PIK3AP1: variants seen among roughly 807,000 people sequenced by gnomAD.
The protein encoded by PIK3AP1 is phosphoinositide-3-kinase adaptor protein 1.
A neutral mutation model predicts 88.1 loss-of-function variants in PIK3AP1; 21 were observed. The ratio of observed to expected loss-of-function variants is 0.24; its 90% CI spans 0.17 to 0.34. PIK3AP1 has a LOEUF of 0.34. Among genes scored for constraint, PIK3AP1 ranks in the 10% least tolerant of loss-of-function variants. The pLI, the probability that PIK3AP1 is intolerant of heterozygous loss-of-function variation, is 1.00. For synonymous variants in PIK3AP1, 398 were observed against 400.0 expected (o/e 1.00, Z 0.06); for missense variants, 828 against 1,035.7 (o/e 0.80, Z 2.75).
intron 2 of PIK3AP1, among the ~76,000 whole-genome samples, chr10:96,678,921 G>C (rs549399726): frequency 6.6e-6 from 1 of 152,272 alleles, no homozygotes; most frequent in South Asian, 2.1e-4. Context: ...ATACCAAGTA[G>C]GCAAGGAGCA....
intron 2 of PIK3AP1, among the ~76,000 whole-genome samples, chr10:96,667,315 T>C (rs540464625): frequency 3.4e-4 from 52 of 152,288 alleles, no homozygotes; most frequent in African/African-American, 1.2e-3. Flanking sequence ...TGGAGAATAT[T>C]TTTCAGAGGA....
At chr10:96,701,362 G>A (rs1413250796) in intron 2 of PIK3AP1, among the ~76,000 whole-genome samples, 1 of 152,180 alleles carries the variant, frequency 6.6e-6, no homozygotes, top group Non-Finnish European at 1.5e-5. Flanking sequence ...TAGGCCCAAA[G>A]GCCCTGTGTT....
At chr10:96,618,459 C>T (rs1240560337) in intron 12 of PIK3AP1, among the ~76,000 whole-genome samples, 1 of 152,144 alleles carries the variant, frequency 6.6e-6, no homozygotes, top group Non-Finnish European at 1.5e-5. Flanking sequence ...TTAACCTTAT[C>T]CTCAAACTAC....
intron 15 of PIK3AP1, among the ~76,000 whole-genome samples, chr10:96,602,622 A>C (rs1848918527): frequency 6.6e-6 from 1 of 152,148 alleles, no homozygotes; most frequent in Admixed American, 6.5e-5. Flanking sequence ...AATTGCCTGA[A>C]TTCTAATTCC....
intron 8 of PIK3AP1, among the ~76,000 whole-genome samples, chr10:96,636,210 C>T (rs1843310443): frequency 6.6e-6 from 1 of 151,572 alleles, no homozygotes; most frequent in Non-Finnish European, 1.5e-5. Context: ...GAGCAAGACT[C>T]CGTCTCAGAA....
intron 8 of PIK3AP1, among the ~76,000 whole-genome samples, chr10:96,633,962 G>A (rs1384592939): frequency 1.3e-5 from 2 of 152,184 alleles, no homozygotes; most frequent in Non-Finnish European, 2.9e-5. Context: ...CTAAGTACTG[G>A]CTTGATAGAG....
chr10:96,615,672 A>G (rs1849203645), intron 13 of PIK3AP1, among the ~76,000 whole-genome samples: 1 of 152,148 alleles, frequency 6.6e-6, no homozygotes, highest in Non-Finnish European at 1.5e-5. Context: ...TGGTCCAGGA[A>G]GGTGTTACTG....
intron 2 of PIK3AP1, among the ~76,000 whole-genome samples, chr10:96,687,743 A>C (rs1430912007): frequency 6.6e-6 from 1 of 152,068 alleles, no homozygotes; most frequent in Admixed American, 6.5e-5. Flanking sequence ...CTTGTGCACT[A>C]ACTTCCTCCA....
chr10:96,639,942 G>A (rs11815054), intron 8 of PIK3AP1, among the ~76,000 whole-genome samples: 1,787 of 152,294 alleles, frequency 0.012, 30 homozygotes, highest in African/African-American at 0.04. Context: ...CCCCAAGTGT[G>A]CCCCCAGCTC....
intron 2 of PIK3AP1, among the ~76,000 whole-genome samples, chr10:96,699,335 C>T (rs1844263088): frequency 6.6e-6 from 1 of 152,132 alleles, no homozygotes; most frequent in East Asian, 1.9e-4. Flanking sequence ...CTATAAAACA[C>T]ATACTAAATT....
At chr10:96,664,583 T>C (rs1052823109) in intron 2 of PIK3AP1, among the ~76,000 whole-genome samples, 6 of 151,894 alleles carry the variant, frequency 4.0e-5, no homozygotes, top group Non-Finnish European at 8.8e-5. Context: ...TGCAATCTAT[T>C]AGCTAATAAT....
intron 10 of PIK3AP1, 119 bp from the exon 11 acceptor site, chr10:96,623,656 A>C (rs2134204586): frequency 1.2e-6 from 1 of 842,092 alleles, no homozygotes; most frequent in Middle Eastern, 3.2e-4. Context: ...AAAATTGTAG[A>C]AAGAGGCAAT....
intron 16 of PIK3AP1, among the ~76,000 whole-genome samples, chr10:96,599,574 A>G (rs951965677): frequency 1.3e-5 from 2 of 152,146 alleles, no homozygotes; most frequent in African/African-American, 4.8e-5. Flanking sequence ...GAACACGGGC[A>G]GAGAAGAGAT....
At chr10:96,626,264 A>G (rs1023845063) in intron 10 of PIK3AP1, among the ~76,000 whole-genome samples, 5 of 152,216 alleles carry the variant, frequency 3.3e-5, no homozygotes, top group South Asian at 2.1e-4. Context: ...TTGCTATGCA[A>G]TGGTTGAATG....
intron 6 of PIK3AP1, among the ~76,000 whole-genome samples, chr10:96,650,076 T>C (rs1214436523): frequency 6.6e-6 from 1 of 152,208 alleles, no homozygotes; most frequent in Non-Finnish European, 1.5e-5. Flanking sequence ...CTGAAAATAT[T>C]CCCAGGATCT....
chr10:96,610,977 A>G (rs1197678908), intron 13 of PIK3AP1, among the ~76,000 whole-genome samples: 2 of 152,032 alleles, frequency 1.3e-5, no homozygotes, highest in South Asian at 2.1e-4. Context: ...TTCTGGTACC[A>G]CTTCCTCCTC....
intron 11 of PIK3AP1, chr10:96,620,770 G>T (rs1445694559): frequency 7.6e-6 from 4 of 527,922 alleles, no homozygotes; most frequent in Non-Finnish European, 1.4e-5. Flanking sequence ...AGACAAGGCT[G>T]CAACATTTAA....
intron 8 of PIK3AP1, among the ~76,000 whole-genome samples, chr10:96,642,234 G>A (rs1564966594): frequency 6.6e-6 from 1 of 152,070 alleles, no homozygotes; most frequent in Non-Finnish European, 1.5e-5. Flanking sequence ...AGACCAGCCT[G>A]GGTAACATCA....
At chr10:96,702,614 CCA>C (rs3035892) in intron 2 of PIK3AP1, among the ~76,000 whole-genome samples, 4,219 of 144,814 alleles carry the variant, frequency 0.029, 74 homozygotes, top group African/African-American at 0.049. Context: ...AGTGTTCTCA[CCA>C]CACACACACA....
Sources: allele counts gnomAD v4.1 joint callset (sites outside exome capture counted in the v4.1 genomes callset), GRCh38; gene constraint gnomAD v4.1.1; transcripts MANE v1.5; gene names NCBI Gene and HGNC (gene_info 2026-07-23, HGNC 2026-07-21).